PRKN: variants seen among roughly 807,000 people sequenced by gnomAD.
The protein encoded by PRKN is E3 ubiquitin-protein ligase parkin.
A neutral mutation model predicts 59.5 loss-of-function variants in PRKN; 56 were observed. That is an observed-to-expected ratio of 0.94 (90% confidence interval 0.76 to 1.18). PRKN has a LOEUF of 1.18. Among genes scored for constraint, PRKN ranks in the 50% most tolerant of loss-of-function variants. The pLI is 0.00. For missense variants in PRKN, 657 were observed against 596.4 expected, an observed-to-expected ratio of 1.10 and a Z score of -1.06; for synonymous variants, 250 against 222.1, an observed-to-expected ratio of 1.13 and a Z score of -1.12.
At chr6:161,838,964 G>C (rs1311688851) in intron 6 of PRKN, among the ~76,000 whole-genome samples, 1 of 152,186 alleles carries the variant, frequency 6.6e-6, no homozygotes, top group African/African-American at 2.4e-5. Context: ...CCACCCAGGA[G>C]CCAATGTGTC....
chr6:161,824,349 T>C (rs1562318959), intron 6 of PRKN, among the ~76,000 whole-genome samples: 1 of 152,244 alleles, frequency 6.6e-6, no homozygotes, highest in Admixed American at 6.5e-5. Context: ...GAAGTTCATT[T>C]TGGCCAAGAA....
rs2209247 is a variant in PRKN at position 161,461,958 on chromosome 6, C to T, written c.1084-75081G>A. Among the ~76,000 whole-genome samples the T allele has an allele frequency of 0.23, 34,703 of 151,816 alleles. 7,358 individuals are homozygous for T. The highest frequency in any genetic ancestry group is 0.57 in the African/African-American group (23,634 of 41,370). On this transcript the variant is annotated intron_variant, in intron 9 of 11. Coordinates refer to ENST00000366898, the MANE Select transcript of PRKN (RefSeq NM_004562.3). The surrounding 1 kb of genome is among the most constrained non-coding windows in gnomAD (Gnocchi z 5.1). ...AGGATGGTCACCTTGAAAATAACAG[C>T]GGTTAAAGGGCAGGTGGAAGACTAG...
intron 1 of PRKN, among the ~76,000 whole-genome samples, chr6:162,529,360 C>A (rs9356037): frequency 6.6e-6 from 1 of 152,256 alleles, no homozygotes; most frequent in East Asian, 1.9e-4. Context: ...TTCTAAATTT[C>A]TTTTTCTCCT....
At chr6:162,137,123 A>C (rs1225913935) in intron 4 of PRKN, among the ~76,000 whole-genome samples, 3 of 152,288 alleles carry the variant, frequency 2.0e-5, no homozygotes, top group African/African-American at 7.2e-5. Flanking sequence ...TGACTATCAA[A>C]GAATCATTTA....
intron 9 of PRKN, among the ~76,000 whole-genome samples, chr6:161,490,331 TGCTTGC>T (rs71636411): frequency 0.092 from 10,438 of 113,034 alleles, 460 homozygotes; most frequent in African/African-American, 0.13. Flanking sequence ...CTTGCTTGCT[TGCTTGC>T]TTTCTCTCTC....
At chr6:162,513,797 T>C (rs1348439971) in intron 1 of PRKN, among the ~76,000 whole-genome samples, 2 of 152,178 alleles carry the variant, frequency 1.3e-5, no homozygotes, top group Non-Finnish European at 2.9e-5. Flanking sequence ...CTCATGCCTG[T>C]AATCCCAGCA....
chr6:162,569,073 A>T (rs751495512), intron 1 of PRKN: 102 of 675,026 alleles, frequency 1.5e-4, no homozygotes, highest in Non-Finnish European at 2.6e-4. Context: ...CACTTCCTGG[A>T]CATGGACAGC....
intron 2 of PRKN, among the ~76,000 whole-genome samples, chr6:162,434,335 G>A (rs1321240985): frequency 6.6e-6 from 1 of 152,132 alleles, no homozygotes; most frequent in African/African-American, 2.4e-5. Context: ...AAATGAGTCT[G>A]TGCATCCTCT....
At chr6:161,453,291 G>A (rs1789824407) in intron 9 of PRKN, among the ~76,000 whole-genome samples, 1 of 152,134 alleles carries the variant, frequency 6.6e-6, no homozygotes, top group Admixed American at 6.5e-5. Context: ...TAATCATCAT[G>A]CTATAGAAAC....
intron 4 of PRKN, among the ~76,000 whole-genome samples, chr6:162,161,308 C>T (rs1023695351): frequency 1.3e-5 from 2 of 152,010 alleles, no homozygotes; most frequent in African/African-American, 4.8e-5. Context: ...CAGCCCAGTA[C>T]CCCCTAGGAA....
chr6:161,754,712 A>G (rs986905990), intron 7 of PRKN, among the ~76,000 whole-genome samples: 1 of 152,146 alleles, frequency 6.6e-6, no homozygotes, highest in African/African-American at 2.4e-5. Flanking sequence ...AAAGATGACA[A>G]ATATTGTGTA....
chr6:162,073,799 C>CA (rs1357912354), intron 4 of PRKN, among the ~76,000 whole-genome samples: 2 of 152,174 alleles, frequency 1.3e-5, no homozygotes, highest in African/African-American at 4.8e-5. Flanking sequence ...ACTTCCAATA[C>CA]AAAAACGTGT....
chr6:162,579,964 T>C (rs1240759779), intron 1 of PRKN, among the ~76,000 whole-genome samples: 3 of 152,202 alleles, frequency 2.0e-5, no homozygotes, highest in Admixed American at 2.0e-4. Flanking sequence ...GTTTGCTGAA[T>C]TGATTAAACA....
At chr6:162,039,713 C>T (rs920812392) in intron 5 of PRKN, among the ~76,000 whole-genome samples, 4 of 152,298 alleles carry the variant, frequency 2.6e-5, no homozygotes, top group Admixed American at 6.5e-5. Flanking sequence ...TCCTTTATAG[C>T]AACACAGACT....
chr6:162,001,654 G>T (rs1782061128), intron 5 of PRKN, among the ~76,000 whole-genome samples: 1 of 151,460 alleles, frequency 6.6e-6, no homozygotes, highest in African/African-American at 2.4e-5. Context: ...ATTTTCTTTT[G>T]TTCTTGCATT....
At chr6:161,849,774 C>G (rs895023135) in intron 6 of PRKN, among the ~76,000 whole-genome samples, 1 of 152,124 alleles carries the variant, frequency 6.6e-6, no homozygotes, top group Non-Finnish European at 1.5e-5. Flanking sequence ...TAGGAAAAAA[C>G]GGAGAGCAAC....
At chr6:161,810,934 AG>A (rs896157062) in intron 6 of PRKN, among the ~76,000 whole-genome samples, 1 of 152,130 alleles carries the variant, frequency 6.6e-6, no homozygotes, top group African/African-American at 2.4e-5. Flanking sequence ...TATATCTTTA[AG>A]GATGGGCAGG....
At chr6:162,525,141 T>A (rs1345330754) in intron 1 of PRKN, among the ~76,000 whole-genome samples, 1 of 152,124 alleles carries the variant, frequency 6.6e-6, no homozygotes, top group Admixed American at 6.5e-5. Flanking sequence ...AAGCGCCAGT[T>A]AGTCCTGCTT....
rs998755185 is a variant in PRKN, at chr6:161,533,714, TC to T, written c.1083+15139del. Among the ~76,000 whole-genome samples the T allele has an allele frequency of 1.1e-4, 16 of 152,150 alleles. No homozygotes were observed. The highest frequency in any genetic ancestry group is 3.6e-4 in the African/African-American group (15 of 41,542). On this transcript the variant is annotated intron_variant, in intron 9 of 11. Coordinates refer to ENST00000366898, the MANE Select transcript of PRKN (RefSeq NM_004562.3). The surrounding 1 kb of genome is among the most constrained non-coding windows in gnomAD (Gnocchi z 4.1). ...GGATCTGCCACCTTAACCCTTTTTT[TC>T]AGACATCTCTCTCTCTTGCAAGGAG...
Sources: gnomAD v4.1 joint callset for allele counts (sites outside exome capture counted in the v4.1 genomes callset) on GRCh38, gnomAD v4.1.1 for gene constraint, Gnocchi (gnomAD v3.1) non-coding constraint, MANE v1.5 for transcripts, NCBI Gene and HGNC (gene_info 2026-07-23, HGNC 2026-07-21) for gene names.